Variants in RNLS observed in about 807,000 individuals in gnomAD.
The protein encoded by RNLS is renalase.
A neutral mutation model predicts 39.8 loss-of-function variants in RNLS; 39 were observed. The observed-to-expected ratio is 0.98, with a 90% CI of 0.76 to 1.28. The LOEUF (loss-of-function observed/expected upper bound fraction) is 1.28. Among genes scored for constraint, RNLS ranks in the 50% most tolerant of loss-of-function variants. The pLI, the probability that RNLS is intolerant of heterozygous loss-of-function variation, is 0.00. For missense variants in RNLS, 410 were observed against 413.3 expected, an observed-to-expected ratio of 0.99 and a Z score of 0.07; for synonymous variants, 147 against 150.7, an observed-to-expected ratio of 0.98 and a Z score of 0.18.
intron 4 of RNLS, among the ~76,000 whole-genome samples, chr10:88,480,578 C>T (rs191081403): frequency 2.0e-5 from 3 of 152,276 alleles, no homozygotes; most frequent in African/African-American, 4.8e-5. Flanking sequence ...TGCGTCACCA[C>T]GCCCAGCTAA....
At chr10:88,320,671 T>A (rs1846121082) in intron 5 of RNLS, among the ~76,000 whole-genome samples, 1 of 148,258 alleles carries the variant, frequency 6.7e-6, no homozygotes, top group Non-Finnish European at 1.5e-5. Context: ...GAAGAGACTT[T>A]AAAACAAACA....
chr10:88,318,210 G>T (rs1311494900), intron 5 of RNLS, among the ~76,000 whole-genome samples: 1 of 152,194 alleles, frequency 6.6e-6, no homozygotes, highest in Non-Finnish European at 1.5e-5. Flanking sequence ...TTCTGTCTCT[G>T]GCAAACATGG....
At chr10:88,441,728 A>T (rs1221738622) in intron 4 of RNLS, among the ~76,000 whole-genome samples, 1 of 152,204 alleles carries the variant, frequency 6.6e-6, no homozygotes, top group Admixed American at 6.5e-5. Context: ...TTCTGTAAGC[A>T]TCGGAAATAC....
chr10:88,551,679 G>T (rs1848610463), intron 4 of RNLS, among the ~76,000 whole-genome samples: 1 of 150,908 alleles, frequency 6.6e-6, no homozygotes, highest in Non-Finnish European at 1.5e-5. Flanking sequence ...AAAATGACTG[G>T]TTGCAAAAAA....
intron 4 of RNLS, among the ~76,000 whole-genome samples, chr10:88,529,797 A>G (rs1160974578): frequency 6.6e-6 from 1 of 152,218 alleles, no homozygotes; most frequent in Non-Finnish European, 1.5e-5. Flanking sequence ...AAATCTGAAC[A>G]TTGTTATTTT....
chr10:88,575,589 T>C (rs1850152432), intron 3 of RNLS, among the ~76,000 whole-genome samples: 1 of 152,108 alleles, frequency 6.6e-6, no homozygotes, highest in African/African-American at 2.4e-5. Flanking sequence ...AAAGGCTTCC[T>C]TTCCAACTGC....
chr10:88,567,221 T>C (rs1849553120), intron 4 of RNLS, among the ~76,000 whole-genome samples: 1 of 151,598 alleles, frequency 6.6e-6, no homozygotes, highest in African/African-American at 2.4e-5. Context: ...AGTAGGTGAG[T>C]TAAGTTATCT....
At position 88,284,487 on chromosome 10, in the gene RNLS, G is replaced by C; in HGVS notation, c.*867C>G. The C allele has an allele frequency of 1.0e-6, 1 of 985,222 alleles. No homozygotes were observed. Among genetic ancestry groups the C allele is most frequent in the Non-Finnish European group, 1.2e-6 (1 of 829,866 alleles). 61.0% of individuals were successfully genotyped at this position (985,222 alleles called of 1,614,324 possible). ...CTGAACCACCAACTTGGCAAATATT[G>C]AACTATTTTAAGTGCATCTATTTTC... On this transcript the variant is annotated 3_prime_UTR_variant, in exon 7 of 7. Coordinates refer to ENST00000331772, the MANE Select transcript of RNLS (RefSeq NM_001031709.3).
chr10:88,528,099 G>C (rs961955096), intron 4 of RNLS, among the ~76,000 whole-genome samples: 1 of 151,630 alleles, frequency 6.6e-6, no homozygotes, highest in African/African-American at 2.4e-5. Context: ...AGAAAATGAA[G>C]GATATACATA....
chr10:88,378,403 C>T (rs936410153), intron 4 of RNLS, among the ~76,000 whole-genome samples: 18 of 152,188 alleles, frequency 1.2e-4, no homozygotes, highest in African/African-American at 4.3e-4. Context: ...TCCCAAGGCA[C>T]GTCATAGAAA....
At chr10:88,258,002 C>A in the RNLS span, among the ~76,000 whole-genome samples, 1 of 152,158 alleles carries the variant, frequency 6.6e-6, no homozygotes, top group Non-Finnish European at 1.5e-5. Context: ...AACACACACC[C>A]TTTCCCCCAC....
intron 5 of RNLS, among the ~76,000 whole-genome samples, chr10:88,324,358 T>C (rs1846414631): frequency 8.1e-6 from 1 of 124,062 alleles, no homozygotes; most frequent in Non-Finnish European, 1.6e-5. Context: ...GTGAACTGGA[T>C]AAAGAAAATG....
At chr10:88,454,052 T>C (rs912501299) in intron 4 of RNLS, among the ~76,000 whole-genome samples, 4 of 152,178 alleles carry the variant, frequency 2.6e-5, no homozygotes, top group African/African-American at 4.8e-5. Flanking sequence ...AGATTCCTGA[T>C]GGATTATGGG....
intron 6 of RNLS, among the ~76,000 whole-genome samples, chr10:88,301,975 C>A (rs974629818): frequency 6.6e-6 from 1 of 152,198 alleles, no homozygotes; most frequent in Admixed American, 6.5e-5. Context: ...ACTGTCACCT[C>A]ATCTCCTCCT....
chr10:88,216,355 G>A, the RNLS span, among the ~76,000 whole-genome samples: 19,092 of 152,104 alleles, frequency 0.13, 1,350 homozygotes, highest in Admixed American at 0.17. Flanking sequence ...CTGGATCTAG[G>A]GGCTCAAATA....
chr10:88,284,160 T>C lies in RNLS; in HGVS notation c.*1194A>G. 5 of 985,296 alleles carry C rather than the reference T, an allele frequency of 5.1e-6. No individual in the cohort carries two copies. Among genetic ancestry groups the C allele is most frequent in the South Asian group, 4.7e-5 (1 of 21,288 alleles). The allele number at this position is 985,296 out of a possible 1,614,324, so 61.0% of individuals were successfully genotyped here. A position where few individuals can be genotyped will look rare whatever the true frequency, so the allele number is the denominator to read the frequency against. ...AGAGGAAACATATAATAATATGCTA[T>C]AGGGTCATAAAACCCACTTTGCAGC... On this transcript the variant is annotated 3_prime_UTR_variant, in exon 7 of 7. Transcript: ENST00000331772.
the RNLS span, among the ~76,000 whole-genome samples, chr10:88,235,077 C>A: frequency 1.3e-5 from 2 of 151,628 alleles, no homozygotes; most frequent in Non-Finnish European, 2.9e-5. Flanking sequence ...CTGGCTAACA[C>A]GGTGAAACCC....
chr10:88,525,991 G>C (rs1283300176), intron 4 of RNLS, among the ~76,000 whole-genome samples: 1 of 151,990 alleles, frequency 6.6e-6, no homozygotes, highest in Non-Finnish European at 1.5e-5. Flanking sequence ...ATCAACTTTT[G>C]TGGGATGAGG....
At chr10:88,290,334 C>T (rs558909310) in intron 6 of RNLS, among the ~76,000 whole-genome samples, 1 of 152,152 alleles carries the variant, frequency 6.6e-6, no homozygotes, top group South Asian at 2.1e-4. Context: ...CTTTCTGAAA[C>T]ATGGCAACAG....
Sources: allele counts gnomAD v4.1 joint callset (sites outside exome capture counted in the v4.1 genomes callset), GRCh38; gene constraint gnomAD v4.1.1; transcripts MANE v1.5; gene names NCBI Gene and HGNC (gene_info 2026-07-23, HGNC 2026-07-21).